SCEL: variants seen among roughly 807,000 people sequenced by gnomAD.
SCEL encodes sciellin.
A neutral mutation model predicts 117.6 loss-of-function variants in SCEL; 113 were observed. The ratio of observed to expected loss-of-function variants is 0.96; its 90% CI spans 0.83 to 1.12. The LOEUF (loss-of-function observed/expected upper bound fraction) is 1.12, where lower values mean the gene tolerates loss of function less well. Ranked by LOEUF, SCEL falls within the 50% of genes most tolerant of loss-of-function variation. The pLI is 0.00. For synonymous variants in SCEL, 270 were observed against 256.2 expected, an observed-to-expected ratio of 1.05 and a Z score of -0.51; for missense variants, 785 against 810.8, an observed-to-expected ratio of 0.97 and a Z score of 0.39.
In SCEL at chr13:77,568,321, A is replaced by G; in HGVS notation, c.386A>G (p.Glu129Gly). 6.4e-7 allele frequency: 1 copy of G among 1,566,556 alleles called. No individual in the cohort carries two copies. Among genetic ancestry groups the G allele is most frequent in the Non-Finnish European group, 8.8e-7 (1 of 1,142,022 alleles). Residue 129 changes from glutamate to glycine, a missense_variant, in exon 7 of 33, where the codon GAA becomes GGA. Physicochemically the swap from Glu to Gly is moderately conservative, Grantham distance 98. Transcript: ENST00000349847. ...AGCATGTCCATGTTTAGATCACTGGAAGTAACAAAGTTGTATGTATTCTTT... is the reference window on the plus strand; with the variant it reads ...AGCATGTCCATGTTTAGATCACTGGGAGTAACAAAGTTGTATGTATTCTTT... ...NRSMSMFRSL[E>G]VTKLQPGGSL...
intron 26 of SCEL, 47 bp from the exon 27 acceptor site, chr13:77,617,957 A>C (rs2089177270): frequency 1.3e-6 from 2 of 1,594,264 alleles, no homozygotes; most frequent in Non-Finnish European, 1.7e-6. Flanking sequence ...GCACAACCCC[A>C]AAATCTATTA....
chr13:77,553,413 T>G (rs1294187434), intron 1 of SCEL, among the ~76,000 whole-genome samples: 1 of 151,942 alleles, frequency 6.6e-6, no homozygotes, highest in Non-Finnish European at 1.5e-5. Flanking sequence ...AGCTGAGAAC[T>G]CTCCAGGTCT....
In SCEL at chr13:77,616,742, C is replaced by CT. The variant is rs35205050; in HGVS notation, c.1452-840dup. Among the ~76,000 whole-genome samples, 256 of 133,568 alleles carry CT rather than the reference C, an allele frequency of 1.9e-3. 2 individuals carry two copies. The South Asian group carries it at 0.038, about 20-fold the overall frequency. The allele number at this position is 133,568 out of a possible 152,430, so 87.6% of individuals were successfully genotyped here. On this transcript the variant is annotated intron_variant, in intron 24 of 32. Coordinates refer to ENST00000349847, the MANE Select transcript of SCEL (RefSeq NM_144777.3). ...CTCTTTTGGTCCCTAAACTTGCATC[C>CT]TTTTTTTTTTTTTTTTTGAGGAATA...
intron 1 of SCEL, among the ~76,000 whole-genome samples, chr13:77,554,440 A>G (rs2084530983): frequency 6.6e-6 from 1 of 152,202 alleles, no homozygotes; most frequent in African/African-American, 2.4e-5. Flanking sequence ...TGCTACTGAC[A>G]TTCCAGAAAC....
chr13:77,561,778 C>T (rs1388435305), intron 4 of SCEL, among the ~76,000 whole-genome samples: 1 of 152,074 alleles, frequency 6.6e-6, no homozygotes, highest in Non-Finnish European at 1.5e-5. Context: ...CCTAAATAAT[C>T]AGAGATCTCA....
At chr13:77,643,813 A>G (rs113284540) in intron 32 of SCEL, among the ~76,000 whole-genome samples, 8 of 152,234 alleles carry the variant, frequency 5.3e-5, no homozygotes, top group African/African-American at 1.9e-4. Flanking sequence ...TGCTTCCCCC[A>G]GAGAGTTCTC....
intron 24 of SCEL, among the ~76,000 whole-genome samples, chr13:77,614,392 G>C (rs2088879613): frequency 6.6e-6 from 1 of 152,114 alleles, no homozygotes; most frequent in Non-Finnish European, 1.5e-5. Flanking sequence ...TTTTCTGGTA[G>C]TCAGTGGAAA....
At chr13:77,621,306 T>G (rs2089403145) in intron 27 of SCEL, among the ~76,000 whole-genome samples, 1 of 152,158 alleles carries the variant, frequency 6.6e-6, no homozygotes, top group Admixed American at 6.5e-5. Flanking sequence ...ATCTATGGGC[T>G]TTCCCACTCC....
intron 12 of SCEL, 139 bp from the exon 13 acceptor site, chr13:77,597,406 T>G (rs1053358999): frequency 1.8e-6 from 1 of 569,710 alleles, no homozygotes; most frequent in Non-Finnish European, 3.1e-6. Context: ...GATGCGAGCT[T>G]TGAGGATCAT....
intron 28 of SCEL, among the ~76,000 whole-genome samples, chr13:77,632,355 G>T (rs1041997601): frequency 4.6e-5 from 7 of 152,058 alleles, no homozygotes; most frequent in Non-Finnish European, 1.0e-4. Flanking sequence ...CTTAAAGTTG[G>T]GTTTTGTATT....
At chr13:77,584,754 C>G (rs1193573561) in intron 9 of SCEL, among the ~76,000 whole-genome samples, 3 of 152,152 alleles carry the variant, frequency 2.0e-5, no homozygotes, top group Admixed American at 6.5e-5. Context: ...ACCTCCTTCC[C>G]CCTTTCCTCT....
At chr13:77,606,962 A>T (rs2088249790) in intron 19 of SCEL, among the ~76,000 whole-genome samples, 2 of 152,250 alleles carry the variant, frequency 1.3e-5, no homozygotes, top group Non-Finnish European at 2.9e-5. Context: ...GCAAAATTCC[A>T]CTAAGATCAG....
At position 77,593,300 on chromosome 13, in the gene SCEL, G is replaced by GTGTGTGCGCGCGCGTC. The variant is rs1555510797; in HGVS notation, c.693-208_693-207insCGCGCGCGTCTGTGTG. ...TGTGTGTGTGTGTGTGTGTGTGTCT[G>GTGTGTGCGCGCGCGTC]TGTGTGTGTGTGTGTGTGTCAGTGG... On this transcript the variant is annotated intron_variant, in intron 11 of 32. Transcript: ENST00000349847. Among the ~76,000 whole-genome samples, 57 of 145,230 alleles carry GTGTGTGCGCGCGCGTC rather than the reference G, an allele frequency of 3.9e-4. 1 individual carries two copies. Among genetic ancestry groups the GTGTGTGCGCGCGCGTC allele is most frequent in the Non-Finnish European group, 5.2e-4 (34 of 65,582 alleles).
At chr13:77,579,597 CA>C (rs1395584426) in intron 9 of SCEL, among the ~76,000 whole-genome samples, 10 of 152,174 alleles carry the variant, frequency 6.6e-5, no homozygotes, top group Non-Finnish European at 1.5e-4. Context: ...CAGCTTCTAC[CA>C]GGGAGTCATT....
intron 1 of SCEL, among the ~76,000 whole-genome samples, chr13:77,539,815 TGA>T (rs2083606060): frequency 1.3e-5 from 2 of 152,178 alleles, no homozygotes; most frequent in South Asian, 4.1e-4. Context: ...ATTACAGGCG[TGA>T]GCCACTGCGC....
chr13:77,566,762 T>C (rs757934773), intron 5 of SCEL, among the ~76,000 whole-genome samples: 1 of 152,180 alleles, frequency 6.6e-6, no homozygotes, highest in Non-Finnish European at 1.5e-5. Context: ...AATGCCGCCA[T>C]ATTTATGCTG....
intron 16 of SCEL, 78 bp downstream of exon 16, chr13:77,602,202 T>C (rs1455602848): frequency 1.7e-6 from 2 of 1,202,108 alleles, no homozygotes; most frequent in Non-Finnish European, 2.4e-6. Context: ...GGGAGTGTTA[T>C]GCTTTCCTTT....
intron 30 of SCEL, among the ~76,000 whole-genome samples, chr13:77,638,904 G>C (rs1030076651): frequency 1.3e-5 from 2 of 151,974 alleles, no homozygotes; most frequent in Non-Finnish European, 2.9e-5. Context: ...CCCACCTTGA[G>C]AGCTCTTTCC....
At chr13:77,554,478 C>T (rs1006282312) in intron 1 of SCEL, among the ~76,000 whole-genome samples, 1 of 152,088 alleles carries the variant, frequency 6.6e-6, no homozygotes, top group Non-Finnish European at 1.5e-5. Flanking sequence ...ATACGTTGAC[C>T]CAAAGCAGTG....
Sources: gnomAD v4.1 joint callset for allele counts (sites outside exome capture counted in the v4.1 genomes callset) on GRCh38, gnomAD v4.1.1 for gene constraint, MANE v1.5 for transcripts, NCBI Gene and HGNC (gene_info 2026-07-23, HGNC 2026-07-21) for gene names.